The following GRIA1 variants were observed in gnomAD, a reference collection of about 807,000 sequenced individuals.
The protein encoded by GRIA1 is glutamate receptor 1.
In GRIA1, 31 loss-of-function variants were observed where a neutral mutation model predicts 99.2. The observed-to-expected ratio is 0.31, with a 90% CI of 0.23 to 0.42. The LOEUF (loss-of-function observed/expected upper bound fraction) is 0.42. Among genes scored for constraint, GRIA1 ranks in the 10% least tolerant of loss-of-function variants. The pLI is 1.00. For synonymous variants in GRIA1, 438 were observed against 432.4 expected, an observed-to-expected ratio of 1.01 and a Z score of -0.16; for missense variants, 782 against 1,157.5, an observed-to-expected ratio of 0.68 and a Z score of 4.71.
chr5:153,572,657 CTA>C lies in GRIA1; in HGVS notation c.221-74267_221-74266del, dbSNP rs1762213215. Among the ~76,000 whole-genome samples, 3 of 152,248 alleles carry C rather than the reference CTA, an allele frequency of 2.0e-5. No individual in the cohort carries two copies. In the South Asian group the frequency reaches 6.2e-4, roughly 32 times the overall value. On this transcript the variant is annotated intron_variant, in intron 2 of 15. Transcript: ENST00000285900. ...TCTTCCTGGCTGGAAATGCCTCTGG[CTA>C]TATTACCCTTATTGCATGATTTCAT... is the stretch of plus-strand genomic sequence containing the variant.
chr5:153,751,497 C>A (rs568980124), intron 11 of GRIA1, among the ~76,000 whole-genome samples: 1 of 152,356 alleles, frequency 6.6e-6, no homozygotes, highest in African/African-American at 2.4e-5. Context: ...TGGAACACAG[C>A]CATGCACTTG....
chr5:153,766,165 T>C (rs1022079941), intron 12 of GRIA1, among the ~76,000 whole-genome samples: 1 of 152,188 alleles, frequency 6.6e-6, no homozygotes, highest in Non-Finnish European at 1.5e-5. Context: ...TCATCAATTT[T>C]CAATGTGTCA....
intron 7 of GRIA1, among the ~76,000 whole-genome samples, chr5:153,678,623 C>T (rs1756759513): frequency 6.6e-6 from 1 of 152,194 alleles, no homozygotes; most frequent in African/African-American, 2.4e-5. Context: ...ACAGTCGAGA[C>T]AGATTCTGTT....
Position 153,764,193 on chromosome 5 carries a change from G to A in GRIA1, c.1824-241G>A, listed in dbSNP as rs532502068. ...TATGTGTAAAAGGGAGTGTGAATACGTGCATGTGGGCTTTATCACCCCTGA... is the reference window on the plus strand; with the variant it reads ...TATGTGTAAAAGGGAGTGTGAATACATGCATGTGGGCTTTATCACCCCTGA... On this transcript the variant is annotated intron_variant, in intron 11 of 15. Transcript: ENST00000285900. 5.9e-5 allele frequency among the ~76,000 whole-genome samples: 9 copies of A among 152,256 alleles called. No individual in the cohort carries two copies. In the East Asian group the frequency reaches 9.6e-4, roughly 16 times the overall value.
intron 2 of GRIA1, among the ~76,000 whole-genome samples, chr5:153,501,729 A>G (rs1047778290): frequency 6.6e-6 from 1 of 151,932 alleles, no homozygotes. Flanking sequence ...GGGCAGGAGG[A>G]TGGGGACAGA....
intron 2 of GRIA1, among the ~76,000 whole-genome samples, chr5:153,537,607 C>A (rs1164839260): frequency 6.6e-6 from 1 of 152,222 alleles, no homozygotes; most frequent in African/African-American, 2.4e-5. Context: ...CCATAGCAAT[C>A]TACCTCTGTA....
chr5:153,805,125 A>G (rs1490900931), intron 15 of GRIA1, among the ~76,000 whole-genome samples: 1 of 90,244 alleles, frequency 1.1e-5, no homozygotes, highest in Non-Finnish European at 2.1e-5. Context: ...GGATTGTATG[A>G]AATAATGGAT....
chr5:153,631,769 T>C (rs1476872914), intron 2 of GRIA1, among the ~76,000 whole-genome samples: 1 of 152,166 alleles, frequency 6.6e-6, no homozygotes, highest in Non-Finnish European at 1.5e-5. Context: ...TCAACTGTAA[T>C]TAAGACTTTG....
At chr5:153,759,661 C>A (rs2149601498) in intron 11 of GRIA1, among the ~76,000 whole-genome samples, 1 of 151,850 alleles carries the variant, frequency 6.6e-6, no homozygotes, top group African/African-American at 2.4e-5. Flanking sequence ...CAAACTATTC[C>A]AAAAAAATTG....
chr5:153,765,160 T>A (rs1485504826), intron 12 of GRIA1, among the ~76,000 whole-genome samples: 3 of 151,592 alleles, frequency 2.0e-5, no homozygotes, highest in Non-Finnish European at 4.4e-5. Flanking sequence ...GGTGGTGAGA[T>A]GTGTTTTGGC....
At chr5:153,552,676 T>C (rs1458950299) in intron 2 of GRIA1, among the ~76,000 whole-genome samples, 1 of 152,080 alleles carries the variant, frequency 6.6e-6, no homozygotes, top group Non-Finnish European at 1.5e-5. Flanking sequence ...AGAATACTAC[T>C]CAGAATTTAT....
intron 4 of GRIA1, among the ~76,000 whole-genome samples, chr5:153,652,071 T>G (rs978720385): frequency 6.6e-6 from 1 of 152,208 alleles, no homozygotes; most frequent in Non-Finnish European, 1.5e-5. Context: ...GAACAGAGTC[T>G]GCCCCACAGT....
At chr5:153,662,942 A>G (rs1581425282) in intron 5 of GRIA1, among the ~76,000 whole-genome samples, 1 of 152,030 alleles carries the variant, frequency 6.6e-6, no homozygotes, top group Admixed American at 6.5e-5. Context: ...TTCCTCCCAC[A>G]CAGCCTTCCC....
intron 13 of GRIA1, among the ~76,000 whole-genome samples, chr5:153,772,715 C>T (rs1763961739): frequency 6.6e-6 from 1 of 152,108 alleles, no homozygotes; most frequent in Non-Finnish European, 1.5e-5. Flanking sequence ...AAAGGGGATT[C>T]AGATGATAGT....
chr5:153,770,546 T>C, intron 13 of GRIA1, 131 bp downstream of exon 13: 1 of 852,532 alleles, frequency 1.2e-6, no homozygotes, highest in Non-Finnish European at 1.8e-6. Flanking sequence ...TCAACACCTA[T>C]GGGCCTGAAA....
chr5:153,618,038 A>C (rs576180310), intron 2 of GRIA1, among the ~76,000 whole-genome samples: 9 of 152,354 alleles, frequency 5.9e-5, no homozygotes, highest in African/African-American at 2.2e-4. Context: ...GGGAAATAGC[A>C]TAAAATTATT....
intron 11 of GRIA1, among the ~76,000 whole-genome samples, chr5:153,727,132 A>T (rs1243819837): frequency 2.6e-5 from 4 of 152,326 alleles, no homozygotes; most frequent in East Asian, 3.9e-4. Flanking sequence ...CCAAAGACAA[A>T]AACCACATGA....
At chr5:153,566,302 G>T in intron 2 of GRIA1, among the ~76,000 whole-genome samples, 1 of 5,744 alleles carries the variant, frequency 1.7e-4, no homozygotes, top group South Asian at 9.6e-3. Flanking sequence ...CCAATTCCCT[G>T]CCTTTTTTTT....
chr5:153,729,349 C>T (rs1251467029), intron 11 of GRIA1, among the ~76,000 whole-genome samples: 2 of 151,622 alleles, frequency 1.3e-5, no homozygotes, highest in African/African-American at 4.8e-5. Flanking sequence ...CTAACCTGCA[C>T]ATTGTGCACA....
Sources: allele counts gnomAD v4.1 joint callset (sites outside exome capture counted in the v4.1 genomes callset), GRCh38; gene constraint gnomAD v4.1.1; transcripts MANE v1.5; gene names NCBI Gene and HGNC (gene_info 2026-07-23, HGNC 2026-07-21).